GOLGA7: variants seen among roughly 807,000 people sequenced by gnomAD.
The protein encoded by GOLGA7 is golgin A7.
A neutral mutation model predicts 21.1 loss-of-function variants in GOLGA7; 10 were observed. The observed-to-expected ratio is 0.47, with a 90% CI of 0.29 to 0.80. The LOEUF (loss-of-function observed/expected upper bound fraction) is 0.80. GOLGA7 is among the 30% of genes least tolerant of loss of function. The probability of loss-of-function intolerance (pLI) is 0.08; values close to 1 mark genes in which losing one functional copy is unlikely to be tolerated. For missense variants in GOLGA7, 114 were observed against 166.8 expected, an observed-to-expected ratio of 0.68 and a Z score of 1.74; for synonymous variants, 64 against 62.6, an observed-to-expected ratio of 1.02 and a Z score of -0.10.
At chr8:41,503,177 C>G (rs1806191077) in intron 2 of GOLGA7, among the ~76,000 whole-genome samples, 1 of 149,982 alleles carries the variant, frequency 6.7e-6, no homozygotes, top group South Asian at 2.1e-4. Context: ...AACTGATACC[C>G]AAGTGCATAT....
chr8:41,503,184 A>G (rs534329615), intron 2 of GOLGA7, among the ~76,000 whole-genome samples: 139 of 145,442 alleles, frequency 9.6e-4, no homozygotes, highest in Middle Eastern at 3.5e-3. Flanking sequence ...ACCCAAGTGC[A>G]TATCAATGTT....
At chr8:41,493,234 T>C (rs1805927811) in intron 1 of GOLGA7, among the ~76,000 whole-genome samples, 2 of 152,242 alleles carry the variant, frequency 1.3e-5, no homozygotes, top group Admixed American at 1.3e-4. Flanking sequence ...TTCCTTGCTT[T>C]GATGAAAAAT....
At chr8:41,505,711 G>T in intron 2 of GOLGA7, 200 bp from the exon 3 acceptor site, 1 of 452,144 alleles carries the variant, frequency 2.2e-6, no homozygotes, top group Non-Finnish European at 3.9e-6. Flanking sequence ...AGATATTTTT[G>T]ACTGGAAGAG....
chr8:41,507,778 T>C (rs1197226683), intron 4 of GOLGA7, among the ~76,000 whole-genome samples: 5 of 152,190 alleles, frequency 3.3e-5, no homozygotes, highest in Non-Finnish European at 7.3e-5. Context: ...TGACAGGAAG[T>C]AGCACTTCAC....
chr8:41,492,024 C>T (rs1282399710), intron 1 of GOLGA7, among the ~76,000 whole-genome samples: 1 of 152,178 alleles, frequency 6.6e-6, no homozygotes, highest in Non-Finnish European at 1.5e-5. Flanking sequence ...AGGTGGGTTG[C>T]ACTGCCCGAT....
rs11321591 is a variant in GOLGA7, at chr8:41,491,675, TAA to T, written c.111+725_111+726del. Among the ~76,000 whole-genome samples, 932 of 148,292 alleles carry T rather than the reference TAA, an allele frequency of 6.3e-3. 2 individuals carry two copies. The highest frequency in any genetic ancestry group is 0.017 in the Middle Eastern group (5 of 292). ...TTCCCCTTCAGACCTAGCAAAACTT[TAA>T]AAAAAAAAAAAAAATCATTGTATCT... On this transcript the variant is annotated intron_variant, in intron 1 of 4. Transcript: ENST00000357743.
intron 2 of GOLGA7, among the ~76,000 whole-genome samples, chr8:41,500,168 T>G (rs952859316): frequency 3.3e-5 from 5 of 152,126 alleles, no homozygotes; most frequent in African/African-American, 1.2e-4. Context: ...AATTAAGTGG[T>G]GAAAGCTGAT....
intron 2 of GOLGA7, among the ~76,000 whole-genome samples, chr8:41,504,131 A>AAAAC (rs1806221826): frequency 7.6e-6 from 1 of 131,866 alleles, no homozygotes; most frequent in Non-Finnish European, 1.7e-5. Context: ...AAAAAAAAAA[A>AAAAC]AAAAACAAAA....
At chr8:41,503,337 G>A (rs1477193862) in intron 2 of GOLGA7, among the ~76,000 whole-genome samples, 11 of 139,008 alleles carry the variant, frequency 7.9e-5, no homozygotes, top group East Asian at 2.1e-4. Context: ...AGTAGGTTGC[G>A]AAAATTTTCT....
Position 41,490,914 on chromosome 8 carries a change from T to G in GOLGA7, c.60T>G (p.Ser20Arg). Residue 20 changes from serine to arginine, a missense_variant, in exon 1 of 5, where the codon AGT (serine) becomes AGG (arginine). Physicochemically the swap from Ser to Arg is moderately radical, Grantham distance 110 (BLOSUM62 -1). Coordinates refer to ENST00000357743, the MANE Select transcript of GOLGA7 (RefSeq NM_001002296.2). ...GKVFIQRDYS[S>R]GTRCQFQTKF... ...TGTTCATTCAGCGAGACTACAGCAG[T>G]GGCACACGCTGCCAGTTCCAGACCA... 6.2e-7 allele frequency: 1 copy of G among 1,601,734 alleles called. No individual in the cohort carries two copies. The highest frequency in any genetic ancestry group is 1.1e-5 in the South Asian group (1 of 89,078).
intron 2 of GOLGA7, among the ~76,000 whole-genome samples, chr8:41,498,528 C>T (rs1343590850): frequency 6.6e-6 from 1 of 152,226 alleles, no homozygotes; most frequent in Non-Finnish European, 1.5e-5. Context: ...AACATACCCA[C>T]TGTGGTTCTC....
intron 2 of GOLGA7, among the ~76,000 whole-genome samples, chr8:41,500,099 C>G (rs897762238): frequency 6.6e-6 from 1 of 152,206 alleles, no homozygotes; most frequent in African/African-American, 2.4e-5. Context: ...ATGTGCTAAG[C>G]AAAGTGCTGG....
In GOLGA7 at chr8:41,496,804, CTTTTTT is replaced by C. The variant is rs34657481; in HGVS notation, c.112-689_112-684del. 5.5e-5 allele frequency among the ~76,000 whole-genome samples: 5 copies of C among 91,654 alleles called. No homozygotes were observed. The Admixed American group carries it at 6.4e-4, about 12-fold the overall frequency. The allele number at this position is 91,654 out of a possible 152,430, so 60.1% of individuals were successfully genotyped here. Reference sequence around the variant, plus strand: ...ATGATAGTACCCTGTCAGTTTATTGCTTTTTTTTTTTTTTTTTTTTTGAGACGGAGT... The same window carrying C: ...ATGATAGTACCCTGTCAGTTTATTGCTTTTTTTTTTTTTTTGAGACGGAGT... On this transcript the variant is annotated intron_variant, in intron 1 of 4. Transcript: ENST00000357743.
At chr8:41,503,025 A>G (rs1394761429) in intron 2 of GOLGA7, among the ~76,000 whole-genome samples, 1 of 152,110 alleles carries the variant, frequency 6.6e-6, no homozygotes, top group Non-Finnish European at 1.5e-5. Context: ...TAAGAGTTTT[A>G]TCGTTTGTTT....
At chr8:41,507,013 T>G in intron 3 of GOLGA7, 46 bp from the exon 4 acceptor site, 2 of 894,778 alleles carry the variant, frequency 2.2e-6, no homozygotes, top group Non-Finnish European at 3.8e-6. Context: ...TCCCCCTTTG[T>G]GTGTTGTGTC....
chr8:41,496,047 A>C (rs1806004406), intron 1 of GOLGA7, among the ~76,000 whole-genome samples: 1 of 152,204 alleles, frequency 6.6e-6, no homozygotes, highest in South Asian at 2.1e-4. Context: ...CTAATGAGAT[A>C]TCTTGGGAAT....
At chr8:41,494,127 A>G (rs1174392103) in intron 1 of GOLGA7, among the ~76,000 whole-genome samples, 1 of 151,872 alleles carries the variant, frequency 6.6e-6, no homozygotes, top group African/African-American at 2.4e-5. Flanking sequence ...TAACTGACGT[A>G]TGATTTACCT....
At chr8:41,496,887 A>G (rs956909512) in intron 1 of GOLGA7, among the ~76,000 whole-genome samples, 1 of 136,398 alleles carries the variant, frequency 7.3e-6, no homozygotes, top group Non-Finnish European at 1.5e-5. Context: ...GGCTCACTGC[A>G]AGCTCCACCT....
At chr8:41,498,646 T>C (rs911869513) in intron 2 of GOLGA7, among the ~76,000 whole-genome samples, 8 of 152,260 alleles carry the variant, frequency 5.3e-5, no homozygotes, top group African/African-American at 1.9e-4. Context: ...TCTTCTCTTG[T>C]GTCCCTACAA....
Sources: allele counts gnomAD v4.1 joint callset (sites outside exome capture counted in the v4.1 genomes callset), GRCh38; gene constraint gnomAD v4.1.1; transcripts MANE v1.5; gene names NCBI Gene and HGNC (gene_info 2026-07-23, HGNC 2026-07-21).